Variants in SLC7A11 observed in about 807,000 individuals in gnomAD.
SLC7A11 encodes solute carrier family 7 member 11, also known as cystine/glutamate transporter.
Under a neutral mutation model 54.5 loss-of-function variants are expected in SLC7A11, and 35 were observed. The observed-to-expected ratio is 0.64, with a 90% CI of 0.49 to 0.85. The LOEUF is 0.85. SLC7A11 is among the 40% of genes least tolerant of loss of function. SLC7A11 has a pLI of 0.00. For synonymous variants in SLC7A11, 230 were observed against 225.2 expected, an observed-to-expected ratio of 1.02 and a Z score of -0.19; for missense variants, 583 against 618.1, an observed-to-expected ratio of 0.94 and a Z score of 0.60.
At chr4:138,205,438 A>C (rs752869661) in intron 6 of SLC7A11, among the ~76,000 whole-genome samples, 1 of 152,216 alleles carries the variant, frequency 6.6e-6, no homozygotes, top group South Asian at 2.1e-4. Context: ...GAATGTGACT[A>C]GAATAAAGTT....
intron 6 of SLC7A11, among the ~76,000 whole-genome samples, chr4:138,208,733 C>T (rs1364728813): frequency 1.3e-5 from 2 of 151,952 alleles, no homozygotes; most frequent in Non-Finnish European, 2.9e-5. Flanking sequence ...AAATACAATC[C>T]TTACTCCAAT....
intron 11 of SLC7A11, among the ~76,000 whole-genome samples, chr4:138,173,658 T>C (rs1736494373): frequency 6.6e-6 from 1 of 151,934 alleles, no homozygotes; most frequent in South Asian, 2.1e-4. Flanking sequence ...AGTATTTTTT[T>C]CATCCTTTTC....
At chr4:138,233,115 T>C (rs375966609) in intron 2 of SLC7A11, among the ~76,000 whole-genome samples, 2 of 152,114 alleles carry the variant, frequency 1.3e-5, no homozygotes, top group East Asian at 3.8e-4. Flanking sequence ...ACAGACCTTT[T>C]CATTTTAGAT....
intron 6 of SLC7A11, among the ~76,000 whole-genome samples, chr4:138,204,043 C>T (rs1034450515): frequency 6.6e-5 from 10 of 152,094 alleles, no homozygotes; most frequent in Admixed American, 3.9e-4. Context: ...CTGCCCGAGA[C>T]ATCTTCACTT....
intron 6 of SLC7A11, among the ~76,000 whole-genome samples, chr4:138,206,049 G>A (rs1737397350): frequency 1.3e-5 from 2 of 151,954 alleles, no homozygotes; most frequent in Non-Finnish European, 2.9e-5. Flanking sequence ...CCAGTTCAAG[G>A]AAGTTATATT....
intron 8 of SLC7A11, among the ~76,000 whole-genome samples, chr4:138,182,669 G>A (rs922583563): frequency 2.6e-5 from 4 of 152,042 alleles, no homozygotes; most frequent in African/African-American, 4.8e-5. Context: ...AATAGCTGAT[G>A]GGAAATCTAG....
chr4:138,196,637 T>TTTAA (rs1253229124), intron 6 of SLC7A11, among the ~76,000 whole-genome samples: 1 of 151,896 alleles, frequency 6.6e-6, no homozygotes, highest in African/African-American at 2.4e-5. Context: ...TTTAATTTAA[T>TTTAA]TTAATTTAAT....
chr4:138,198,099 T>C (rs537066567), intron 6 of SLC7A11, among the ~76,000 whole-genome samples: 125 of 150,108 alleles, frequency 8.3e-4, no homozygotes, highest in African/African-American at 2.8e-3. Context: ...AAAAAAAAAA[T>C]CCATTCCAGA....
rs186693425 is a variant in SLC7A11, at chr4:138,219,359, G to A, written c.653C>T (p.Thr218Met). ...PGVMQLIKGQ[T>M]QNFKDAFSGR... ...TGAAAAGGCGTCTTTAAAGTTCTGCGTTTGACCTGTAATTAGAATAGACTG... is the reference window on the plus strand; with the variant it reads ...TGAAAAGGCGTCTTTAAAGTTCTGCATTTGACCTGTAATTAGAATAGACTG... Residue 218 changes from threonine (T) to methionine (M), a missense_variant, in exon 5 of 12, where the codon ACG (threonine) becomes ATG (methionine). Transcript: ENST00000280612. The A allele has an allele frequency of 3.5e-5, 55 of 1,585,182 alleles. No individual in the cohort carries two copies. The highest frequency in any genetic ancestry group is 1.0e-4 in the Admixed American group (6 of 59,812).
At chr4:138,219,223 T>G (rs1385901374) in intron 5 of SLC7A11, 43 bp downstream of exon 5, 1 of 1,110,586 alleles carries the variant, frequency 9.0e-7, no homozygotes, top group Non-Finnish European at 1.4e-6. Flanking sequence ...ATAATGGGAT[T>G]AATGAACTAC....
At chr4:138,239,055 G>A (rs1239435132) in intron 1 of SLC7A11, among the ~76,000 whole-genome samples, 2 of 152,098 alleles carry the variant, frequency 1.3e-5, no homozygotes, top group Non-Finnish European at 2.9e-5. Flanking sequence ...TAATATTTGG[G>A]GAACACTGAT....
chr4:138,182,542 G>A, intron 8 of SLC7A11, 149 bp from the exon 9 acceptor site: 1 of 595,242 alleles, frequency 1.7e-6, no homozygotes, highest in Admixed American at 3.1e-5. Flanking sequence ...TTCAAATAAG[G>A]TGGAGAAATA....
chr4:138,193,707 G>A (rs1560723873), intron 6 of SLC7A11, among the ~76,000 whole-genome samples: 1 of 152,160 alleles, frequency 6.6e-6, no homozygotes, highest in Non-Finnish European at 1.5e-5. Flanking sequence ...ACTGAGGCAG[G>A]AGAATCGCTT....
In SLC7A11 at chr4:138,185,249, A is replaced by G. The variant is rs1736847620; in HGVS notation, c.792-5T>C. ...CATATTGCAAGGGGAATGGTTCTGA[A>G]ATGCACAAAGGAATCACTTATTCAT... is the stretch of plus-strand genomic sequence containing the variant. On this transcript the variant is annotated splice_region_variant and splice_polypyrimidine_tract_variant and intron_variant, in intron 6 of 11. Coordinates refer to ENST00000280612, the MANE Select transcript of SLC7A11 (RefSeq NM_014331.4). The G allele has an allele frequency of 6.2e-7, 1 of 1,612,218 alleles. No homozygotes were observed. The highest frequency in any genetic ancestry group is 8.5e-7 in the Non-Finnish European group (1 of 1,178,756).
chr4:138,236,520 T>C (rs1484502369), intron 1 of SLC7A11, 69 bp from the exon 2 acceptor site: 17 of 1,422,120 alleles, frequency 1.2e-5, no homozygotes, highest in Admixed American at 6.5e-5. Flanking sequence ...TTAGAATAGA[T>C]ACAATAATGT....
In SLC7A11 at chr4:138,164,743, G is replaced by T. The variant is rs1410842796; in HGVS notation, c.*7213C>A. ...CTCTGCTTGAGTTGAGGACCAGTTA[G>T]TTAGGATATTGAGGATCACTCTTTT... On this transcript the variant is annotated 3_prime_UTR_variant, in exon 12 of 12. Transcript: ENST00000280612. The T allele has an allele frequency of 2.0e-5, 3 of 152,052 alleles. No individual in the cohort carries two copies. The highest frequency in any genetic ancestry group is 4.8e-5 in the African/African-American group (2 of 41,372). 9.4% of individuals were successfully genotyped at this position (152,052 alleles called of 1,614,324 possible). A position where few individuals can be genotyped will look rare whatever the true frequency, so the allele number is the denominator to read the frequency against.
intron 3 of SLC7A11, among the ~76,000 whole-genome samples, chr4:138,227,837 ATCC>A (rs150377482): frequency 0.025 from 3,882 of 152,282 alleles, 73 homozygotes; most frequent in African/African-American, 0.045. Context: ...TTTGCATGTC[ATCC>A]TCCTAAAGTA....
chr4:138,237,853 G>A (rs1282220952), intron 1 of SLC7A11, among the ~76,000 whole-genome samples: 6 of 142,238 alleles, frequency 4.2e-5, no homozygotes, highest in African/African-American at 1.6e-4. Context: ...CAGGGTTCAA[G>A]TGATTCTCCT....
chr4:138,190,369 G>A (rs564885020), intron 6 of SLC7A11, among the ~76,000 whole-genome samples: 1 of 152,182 alleles, frequency 6.6e-6, no homozygotes, highest in African/African-American at 2.4e-5. Context: ...ACATGGAGCT[G>A]TAATTTATCT....
Sources: allele counts gnomAD v4.1 joint callset (sites outside exome capture counted in the v4.1 genomes callset), GRCh38; gene constraint gnomAD v4.1.1; transcripts MANE v1.5; gene names NCBI Gene and HGNC (gene_info 2026-07-23, HGNC 2026-07-21).